Variants in IMMP2L observed in about 807,000 individuals in gnomAD.
IMMP2L encodes mitochondrial inner membrane protease subunit 2.
Under a neutral mutation model 19.3 loss-of-function variants are expected in IMMP2L, and 18 were observed. That is an observed-to-expected ratio of 0.93 (90% CI 0.64 to 1.38). The LOEUF is 1.38. IMMP2L is among the 40% of genes most tolerant of loss of function. The pLI is 0.00. For synonymous variants in IMMP2L, 76 were observed against 73.0 expected, an observed-to-expected ratio of 1.04 and a Z score of -0.21; for missense variants, 233 against 218.2, an observed-to-expected ratio of 1.07 and a Z score of -0.43.
At chr7:111,515,015 C>G (rs1455330667) in intron 2 of IMMP2L, among the ~76,000 whole-genome samples, 1 of 152,064 alleles carries the variant, frequency 6.6e-6, no homozygotes, top group Admixed American at 6.6e-5. Context: ...CATTTAGTAT[C>G]TGATAGCTCC....
chr7:111,104,853 G>C (rs974943623), intron 3 of IMMP2L, among the ~76,000 whole-genome samples: 1 of 151,724 alleles, frequency 6.6e-6, no homozygotes, highest in Non-Finnish European at 1.5e-5. Context: ...AGAGGGTCAT[G>C]GCTTCTAGAA....
At chr7:111,131,980 G>A (rs944432633) in intron 3 of IMMP2L, among the ~76,000 whole-genome samples, 1 of 151,694 alleles carries the variant, frequency 6.6e-6, no homozygotes, top group Non-Finnish European at 1.5e-5. Context: ...TTTTTGGAGA[G>A]GGAACAATCC....
chr7:110,713,034 C>T (rs557276930), intron 5 of IMMP2L, among the ~76,000 whole-genome samples: 20 of 152,292 alleles, frequency 1.3e-4, no homozygotes, highest in African/African-American at 4.1e-4. Flanking sequence ...TCGTATGACT[C>T]TTGTAGATAA....
intron 1 of IMMP2L, among the ~76,000 whole-genome samples, chr7:111,560,227 C>G (rs565867981): frequency 6.6e-6 from 1 of 151,924 alleles, no homozygotes; most frequent in South Asian, 2.1e-4. Flanking sequence ...AGATTTAATT[C>G]TAAATAACTT....
intron 4 of IMMP2L, among the ~76,000 whole-genome samples, chr7:110,929,117 GAAAA>G (rs1306551281): frequency 6.6e-6 from 1 of 151,538 alleles, no homozygotes; most frequent in Non-Finnish European, 1.5e-5. Context: ...CTGAAAGTCA[GAAAA>G]AAAAGGAATA....
intron 1 of IMMP2L, among the ~76,000 whole-genome samples, chr7:111,526,354 T>C (rs1380455301): frequency 6.6e-6 from 1 of 152,220 alleles, no homozygotes; most frequent in Non-Finnish European, 1.5e-5. Context: ...ATGTTACTTG[T>C]GTAATTATTA....
intron 3 of IMMP2L, among the ~76,000 whole-genome samples, chr7:111,204,072 C>A (rs957160358): frequency 1.3e-5 from 2 of 152,116 alleles, no homozygotes; most frequent in Non-Finnish European, 2.9e-5. Context: ...AAAAAATATT[C>A]TTTTACCTTT....
intron 5 of IMMP2L, among the ~76,000 whole-genome samples, chr7:110,796,078 C>A (rs1031553418): frequency 1.3e-5 from 2 of 151,940 alleles, no homozygotes; most frequent in Non-Finnish European, 2.9e-5. Context: ...AGGGGCCTTC[C>A]CCTTTCACTC....
chr7:110,871,343 G>T (rs1808520292), intron 5 of IMMP2L, among the ~76,000 whole-genome samples: 1 of 152,074 alleles, frequency 6.6e-6, no homozygotes, highest in South Asian at 2.1e-4. Context: ...CTTAGGGAGG[G>T]TTTAAGTATG....
intron 3 of IMMP2L, among the ~76,000 whole-genome samples, chr7:111,417,346 G>A (rs1452982096): frequency 6.6e-6 from 1 of 151,754 alleles, no homozygotes; most frequent in African/African-American, 2.4e-5. Context: ...GAGCAACCTG[G>A]GGATCATGCA....
At chr7:111,421,115 G>A (rs1835476024) in intron 3 of IMMP2L, among the ~76,000 whole-genome samples, 1 of 151,630 alleles carries the variant, frequency 6.6e-6, no homozygotes, top group African/African-American at 2.4e-5. Context: ...GGCATGAGAT[G>A]GTTATCTCAT....
rs1360273626 is a variant in IMMP2L, at chr7:111,538,858, C to T, written c.-2-17409G>A. 3.4e-5 allele frequency among the ~76,000 whole-genome samples: 5 copies of T among 145,476 alleles called. No homozygotes were observed. The South Asian group carries it at 6.6e-4, about 19-fold the overall frequency. On this transcript the variant is annotated intron_variant, in intron 1 of 5. Coordinates refer to ENST00000405709, the MANE Select transcript of IMMP2L (RefSeq NM_032549.4). ...AAAAAAGGCTGGGCACAGTGGCTCACGGCTGTAATCCCAGAATTTTGGGAG... is the reference window on the plus strand; with the variant it reads ...AAAAAAGGCTGGGCACAGTGGCTCATGGCTGTAATCCCAGAATTTTGGGAG...
At chr7:111,171,222 A>G (rs1806412079) in intron 3 of IMMP2L, among the ~76,000 whole-genome samples, 1 of 151,752 alleles carries the variant, frequency 6.6e-6, no homozygotes, top group African/African-American at 2.4e-5. Flanking sequence ...ACATACACAG[A>G]GAAAGAGGAT....
chr7:110,820,728 A>G (rs1001922220), intron 5 of IMMP2L, among the ~76,000 whole-genome samples: 14 of 152,060 alleles, frequency 9.2e-5, no homozygotes, highest in Admixed American at 8.5e-4. Context: ...AACTCAAATT[A>G]TATTTTTGGT....
At chr7:110,866,313 T>A (rs147341611) in intron 5 of IMMP2L, among the ~76,000 whole-genome samples, 1 of 151,746 alleles carries the variant, frequency 6.6e-6, no homozygotes, top group Non-Finnish European at 1.5e-5. Context: ...AATCTGGTAG[T>A]TGGTTGTGGA....
intron 3 of IMMP2L, among the ~76,000 whole-genome samples, chr7:111,020,864 C>T (rs1826207166): frequency 1.3e-5 from 2 of 152,270 alleles, no homozygotes; most frequent in Middle Eastern, 3.4e-3. Context: ...TCATTTCTGT[C>T]AGTTTTTGTT....
intron 5 of IMMP2L, among the ~76,000 whole-genome samples, chr7:110,798,894 T>C (rs1178224591): frequency 1.3e-5 from 2 of 152,006 alleles, no homozygotes; most frequent in Non-Finnish European, 2.9e-5. Context: ...CTGTGATTAA[T>C]GGGCAATGAC....
chr7:111,018,416 T>C (rs1585779118), intron 3 of IMMP2L, among the ~76,000 whole-genome samples: 1 of 152,304 alleles, frequency 6.6e-6, no homozygotes, highest in South Asian at 2.1e-4. Flanking sequence ...GGATGAAAAG[T>C]AATGCCCTAA....
chr7:111,478,900 C>T (rs749108715), intron 3 of IMMP2L, among the ~76,000 whole-genome samples: 2 of 152,154 alleles, frequency 1.3e-5, no homozygotes, highest in African/African-American at 2.4e-5. Flanking sequence ...AGAAACTCTG[C>T]ATGATGTCTC....
Sources: allele counts gnomAD v4.1 joint callset (sites outside exome capture counted in the v4.1 genomes callset), GRCh38; gene constraint gnomAD v4.1.1; transcripts MANE v1.5; gene names NCBI Gene and HGNC (gene_info 2026-07-23, HGNC 2026-07-21).